GLIS3: variants seen among roughly 807,000 people sequenced by gnomAD.
GLIS3 encodes zinc finger protein GLIS3.
A neutral mutation model predicts 78.6 loss-of-function variants in GLIS3; 53 were observed. That is an observed-to-expected ratio of 0.67 (90% CI 0.54 to 0.85). The LOEUF is 0.85. GLIS3 is among the 40% of genes least tolerant of loss of function. The probability of loss-of-function intolerance (pLI) is 0.00; values close to 1 mark genes in which losing one functional copy is unlikely to be tolerated. For synonymous variants in GLIS3, 684 were observed against 509.9 expected (o/e 1.34, Z -4.60); for missense variants, 1,703 against 1,231.1 (o/e 1.38, Z -5.74).
intron 2 of GLIS3, among the ~76,000 whole-genome samples, chr9:4,323,499 A>G (rs1056132441): frequency 6.6e-6 from 1 of 152,238 alleles, no homozygotes. Context: ...GTAATATTCC[A>G]TTATGTGAAT....
At chr9:4,463,836 A>C in the GLIS3 span, among the ~76,000 whole-genome samples, 4 of 152,192 alleles carry the variant, frequency 2.6e-5, no homozygotes, top group African/African-American at 9.7e-5. Flanking sequence ...CAGCACTAAG[A>C]GTGCAGGAGT....
At chr9:4,451,735 G>T in the GLIS3 span, among the ~76,000 whole-genome samples, 6,333 of 151,832 alleles carry the variant, frequency 0.042, 467 homozygotes, top group African/African-American at 0.14. Context: ...AGCAACCTTC[G>T]CCTGAATGAC....
At chr9:4,065,262 C>G (rs1826998041) in intron 4 of GLIS3, among the ~76,000 whole-genome samples, 1 of 152,170 alleles carries the variant, frequency 6.6e-6, no homozygotes, top group South Asian at 2.1e-4. Context: ...CCCTGCTGTG[C>G]TAGCAACACA....
the GLIS3 span, among the ~76,000 whole-genome samples, chr9:4,444,694 C>T: frequency 6.6e-6 from 1 of 152,192 alleles, no homozygotes; most frequent in Non-Finnish European, 1.5e-5. Flanking sequence ...TATGAAGAGC[C>T]AAAGCCCCTG....
chr9:4,135,385 T>C (rs983919838), intron 2 of GLIS3, among the ~76,000 whole-genome samples: 1 of 152,178 alleles, frequency 6.6e-6, no homozygotes, highest in East Asian at 1.9e-4. Context: ...CCCACATTCT[T>C]CTCTGAATTC....
At chr9:4,013,520 G>A (rs1323632974) in intron 4 of GLIS3, among the ~76,000 whole-genome samples, 1 of 152,156 alleles carries the variant, frequency 6.6e-6, no homozygotes, top group African/African-American at 2.4e-5. Flanking sequence ...AGACTAATCT[G>A]CATACACATC....
chr9:4,031,441 C>G (rs1159978965), intron 4 of GLIS3, among the ~76,000 whole-genome samples: 2 of 152,096 alleles, frequency 1.3e-5, no homozygotes, highest in African/African-American at 4.8e-5. Context: ...TATGCAAGTA[C>G]ATAGAGACAA....
intron 1 of GLIS3, chr9:4,298,601 G>C (rs140939708): frequency 7.1e-6 from 2 of 280,820 alleles, no homozygotes; most frequent in South Asian, 2.9e-5. Context: ...GTCATTTATA[G>C]GGACTGGAGC....
the GLIS3 span, among the ~76,000 whole-genome samples, chr9:4,481,487 A>C: frequency 6.9e-6 from 1 of 145,954 alleles, no homozygotes; most frequent in Admixed American, 7.0e-5. Flanking sequence ...CAAAAAATTA[A>C]TTAATTAATT....
rs575431634 is a variant in GLIS3 at position 4,135,359 on chromosome 9, G to C, written c.389-9418C>G. Among the ~76,000 whole-genome samples the C allele has an allele frequency of 3.3e-5, 5 of 152,140 alleles. No homozygotes were observed. The East Asian group carries it at 9.7e-4, about 29-fold the overall frequency. ...TCCCTTAAGGTAATGAACTCTAACA[G>C]GTGAATGTGTATCCTCCCACATTCT... On this transcript the variant is annotated intron_variant, in intron 2 of 10. Transcript: ENST00000381971.
chr9:4,252,930 T>C (rs914835686), intron 2 of GLIS3, among the ~76,000 whole-genome samples: 2 of 152,222 alleles, frequency 1.3e-5, no homozygotes, highest in Non-Finnish European at 2.9e-5. Flanking sequence ...TGCCTGGGTA[T>C]CACCAGTGGA....
the GLIS3 span, among the ~76,000 whole-genome samples, chr9:4,487,738 AGTACAGTG>A: frequency 2.0e-5 from 3 of 151,688 alleles, no homozygotes; most frequent in African/African-American, 7.3e-5. Flanking sequence ...CCCAGGCTGG[AGTACAGTG>A]GTACAATTAT....
At chr9:4,068,461 A>G (rs1827291949) in intron 4 of GLIS3, among the ~76,000 whole-genome samples, 1 of 152,230 alleles carries the variant, frequency 6.6e-6, no homozygotes, top group African/African-American at 2.4e-5. Context: ...GAAATATTTT[A>G]TGTAGGCAAA....
chr9:4,383,654 C>G, the GLIS3 span, among the ~76,000 whole-genome samples: 1 of 152,138 alleles, frequency 6.6e-6, no homozygotes, highest in African/African-American at 2.4e-5. Context: ...GAAATAAAAT[C>G]TAGATGTATA....
intron 4 of GLIS3, chr9:4,054,364 G>A: frequency 1.0e-6 from 1 of 985,402 alleles, no homozygotes; most frequent in Non-Finnish European, 1.2e-6. Flanking sequence ...AAAAGGCACA[G>A]AGCAATAAAA....
chr9:4,140,286 G>T (rs1017582180), intron 2 of GLIS3, among the ~76,000 whole-genome samples: 49 of 152,132 alleles, frequency 3.2e-4, no homozygotes, highest in African/African-American at 9.9e-4. Context: ...ATGGCACCAC[G>T]GCACTCCAGC....
intron 2 of GLIS3, among the ~76,000 whole-genome samples, chr9:4,201,089 G>C (rs993641880): frequency 2.0e-5 from 3 of 152,016 alleles, no homozygotes; most frequent in African/African-American, 2.4e-5. Flanking sequence ...AAAACCACTC[G>C]ATCATCTCAA....
intron 2 of GLIS3, among the ~76,000 whole-genome samples, chr9:4,182,008 T>C (rs950992543): frequency 6.6e-6 from 1 of 152,228 alleles, no homozygotes; most frequent in Non-Finnish European, 1.5e-5. Context: ...TAAGCAACAG[T>C]AGACAACTGA....
At chr9:4,261,853 C>T (rs1200496955) in intron 2 of GLIS3, among the ~76,000 whole-genome samples, 1 of 152,126 alleles carries the variant, frequency 6.6e-6, no homozygotes, top group African/African-American at 2.4e-5. Flanking sequence ...TTGCTATGAA[C>T]AGATATGGAC....
Sources: gnomAD v4.1 joint callset for allele counts (sites outside exome capture counted in the v4.1 genomes callset) on GRCh38, gnomAD v4.1.1 for gene constraint, MANE v1.5 for transcripts, NCBI Gene and HGNC (gene_info 2026-07-23, HGNC 2026-07-21) for gene names.